The following PGGT1B variants were observed in gnomAD, a reference collection of about 807,000 sequenced individuals.
The protein encoded by PGGT1B is protein geranylgeranyltransferase type I subunit beta.
A neutral mutation model predicts 46.1 loss-of-function variants in PGGT1B; 30 were observed. The ratio of observed to expected loss-of-function variants is 0.65; its 90% CI spans 0.49 to 0.88. The LOEUF (loss-of-function observed/expected upper bound fraction) is 0.88, where lower values mean the gene tolerates loss of function less well. Ranked by LOEUF, PGGT1B falls within the 40% of genes least tolerant of loss-of-function variation. The pLI is 0.00. For missense variants in PGGT1B, 376 were observed against 455.9 expected, an observed-to-expected ratio of 0.82 and a Z score of 1.60; for synonymous variants, 170 against 160.0, an observed-to-expected ratio of 1.06 and a Z score of -0.47.
chr5:115,237,163 T>C (rs1020265082), intron 4 of PGGT1B, among the ~76,000 whole-genome samples: 1 of 152,224 alleles, frequency 6.6e-6, no homozygotes, highest in Non-Finnish European at 1.5e-5. Flanking sequence ...CAATTTATTC[T>C]ACTTGTCTAC....
chr5:115,206,068 T>G lies in PGGT1B; in HGVS notation c.*6334A>C, dbSNP rs551058602. On this transcript the variant is annotated 3_prime_UTR_variant, in exon 9 of 9. Coordinates refer to ENST00000419445, the MANE Select transcript of PGGT1B (RefSeq NM_005023.4). ...ATTGAAAGGCATTCATAATACATTGTTGAATGAAAAAAAACCATGGAATAT... is the reference window on the plus strand; with the variant it reads ...ATTGAAAGGCATTCATAATACATTGGTGAATGAAAAAAAACCATGGAATAT... 2.0e-5 allele frequency: 3 copies of G among 152,086 alleles called. No individual in the cohort carries two copies. Among genetic ancestry groups the G allele is most frequent in the African/African-American group, 4.8e-5 (2 of 41,558 alleles). 9.4% of individuals were successfully genotyped at this position (152,086 alleles called of 1,614,324 possible).
chr5:115,240,609 C>T (rs1236262025), intron 3 of PGGT1B, among the ~76,000 whole-genome samples: 1 of 152,190 alleles, frequency 6.6e-6, no homozygotes, highest in Non-Finnish European at 1.5e-5. Context: ...AGCTGGTTTA[C>T]AGCTTAAGGC....
chr5:115,218,417 C>A (rs1010685553), intron 7 of PGGT1B, among the ~76,000 whole-genome samples: 3 of 122,624 alleles, frequency 2.4e-5, no homozygotes, highest in South Asian at 2.6e-4. Flanking sequence ...ATATATATGT[C>A]ATATATAACT....
At chr5:115,224,382 C>T (rs988002706) in intron 6 of PGGT1B, among the ~76,000 whole-genome samples, 2 of 152,162 alleles carry the variant, frequency 1.3e-5, no homozygotes, top group Admixed American at 1.3e-4. Flanking sequence ...CAAAGAAAAA[C>T]ACTCTTTACT....
chr5:115,237,237 T>A (rs964055340), intron 4 of PGGT1B, among the ~76,000 whole-genome samples: 1 of 152,192 alleles, frequency 6.6e-6, no homozygotes, highest in Non-Finnish European at 1.5e-5. Context: ...GAGCTATTAG[T>A]AGATGGAGCA....
At chr5:115,242,777 G>C (rs936503338) in intron 2 of PGGT1B, among the ~76,000 whole-genome samples, 1 of 152,102 alleles carries the variant, frequency 6.6e-6, no homozygotes, top group Non-Finnish European at 1.5e-5. Flanking sequence ...GACCAGCCTG[G>C]TCAACATGGT....
At chr5:115,249,480 C>T (rs954567174) in intron 2 of PGGT1B, among the ~76,000 whole-genome samples, 1 of 152,092 alleles carries the variant, frequency 6.6e-6, no homozygotes, top group African/African-American at 2.4e-5. Flanking sequence ...TTAGACCAAA[C>T]AGGCTAAACT....
chr5:115,228,531 T>G lies in PGGT1B; in HGVS notation c.658+2445A>C, dbSNP rs149147350. On this transcript the variant is annotated intron_variant, in intron 6 of 8. Coordinates refer to ENST00000419445, the MANE Select transcript of PGGT1B (RefSeq NM_005023.4). ...ATACTGCATGTGTATCTGGGTGGTT[T>G]GCAATTTTAAATCACGAGCTTGAAC... Among the ~76,000 whole-genome samples, 458 of 151,964 alleles carry G rather than the reference T, an allele frequency of 3.0e-3. 2 individuals are homozygous for G. Among genetic ancestry groups the G allele is most frequent in the African/African-American group, 0.01 (433 of 41,468 alleles).
chr5:115,211,879 A>C lies in PGGT1B; in HGVS notation c.*523T>G, dbSNP rs965722960. On this transcript the variant is annotated 3_prime_UTR_variant, in exon 9 of 9. Transcript: ENST00000419445. ...CACACAGGTTTAATTGGCACACTTT[A>C]CTTAAGAATAAGACAAAATAAGTCA... is the stretch of plus-strand genomic sequence containing the variant. 1 of 154,068 alleles carries C rather than the reference A, an allele frequency of 6.5e-6. No individual in the cohort carries two copies. The highest frequency in any genetic ancestry group is 2.4e-5 in the African/African-American group (1 of 41,462). The allele number at this position is 154,068 out of a possible 1,614,324, so 9.5% of individuals were successfully genotyped here. A position where few individuals can be genotyped will look rare whatever the true frequency, so the allele number is the denominator to read the frequency against.
In PGGT1B at chr5:115,204,287, C is replaced by G. The variant is rs1006705443; in HGVS notation, c.*8115G>C. 3 of 152,194 alleles carry G rather than the reference C, an allele frequency of 2.0e-5. No individual in the cohort carries two copies. Among genetic ancestry groups the G allele is most frequent in the Non-Finnish European group, 4.4e-5 (3 of 68,042 alleles). 9.4% of individuals were successfully genotyped at this position (152,194 alleles called of 1,614,324 possible). On this transcript the variant is annotated 3_prime_UTR_variant, in exon 9 of 9. Coordinates refer to ENST00000419445, the MANE Select transcript of PGGT1B (RefSeq NM_005023.4). Reference sequence around the variant, plus strand: ...AAACACAAATGTCTAACCCTACCCCCAGAGTTTCTAATTCAGGAGGTCTAA... The same window carrying G: ...AAACACAAATGTCTAACCCTACCCCGAGAGTTTCTAATTCAGGAGGTCTAA...
chr5:115,262,287 C>T (rs965494790), intron 1 of PGGT1B, among the ~76,000 whole-genome samples: 1 of 152,212 alleles, frequency 6.6e-6, no homozygotes. Flanking sequence ...GCCGCTCCTA[C>T]ACATAAAACA....
At chr5:115,223,817 G>T (rs1052352599) in intron 6 of PGGT1B, among the ~76,000 whole-genome samples, 1 of 152,148 alleles carries the variant, frequency 6.6e-6, no homozygotes, top group Admixed American at 6.5e-5. Context: ...GGCACTATTT[G>T]TTGTCAACTC....
At chr5:115,232,169 A>G (rs1757009664) in intron 5 of PGGT1B, among the ~76,000 whole-genome samples, 1 of 152,132 alleles carries the variant, frequency 6.6e-6, no homozygotes, top group Non-Finnish European at 1.5e-5. Context: ...TTAGAGTTAT[A>G]GAAGAAACAG....
At chr5:115,262,249 A>G (rs1048650818) in intron 1 of PGGT1B, among the ~76,000 whole-genome samples, 6 of 152,112 alleles carry the variant, frequency 3.9e-5, no homozygotes. Context: ...TAGTTCCCAC[A>G]AAGTTTCTAA....
Position 115,221,993 on chromosome 5 carries a change from CA to C in PGGT1B, c.673del (p.Cys225ValfsTer8). On this transcript the variant is annotated frameshift_variant, in exon 7 of 9. Transcript: ENST00000419445. LOFTEE classifies it high-confidence loss of function. ...CATCAGACATAGTGAGGCAATGCCA[CA>C]AAAAGTTGATCCTCCTGTTAATCAA... is the stretch of plus-strand genomic sequence containing the variant. ...GLESHGGSTF[C>X]GIASLCLMGK... 1.3e-6 allele frequency: 2 copies of C among 1,569,616 alleles called. No individual in the cohort carries two copies. Among genetic ancestry groups the C allele is most frequent in the South Asian group, 2.4e-5 (2 of 83,020 alleles).
intron 1 of PGGT1B, among the ~76,000 whole-genome samples, chr5:115,257,694 AC>A (rs1748383003): frequency 6.6e-6 from 1 of 152,140 alleles, no homozygotes; most frequent in Non-Finnish European, 1.5e-5. Flanking sequence ...TTCTGGTGCA[AC>A]CCCATCCTTT....
chr5:115,247,792 C>G (rs1747917816), intron 2 of PGGT1B, among the ~76,000 whole-genome samples: 2 of 152,084 alleles, frequency 1.3e-5, no homozygotes, highest in South Asian at 4.1e-4. Context: ...AGATTAGAGA[C>G]TTAATAATAT....
intron 6 of PGGT1B, 39 bp downstream of exon 6, chr5:115,230,937 C>A: frequency 7.5e-7 from 1 of 1,332,838 alleles, no homozygotes; most frequent in Non-Finnish European, 1.1e-6. Context: ...TCTAAGGGAA[C>A]AAAAGAAACT....
chr5:115,222,213 A>T (rs1756609388), intron 6 of PGGT1B, among the ~76,000 whole-genome samples: 1 of 152,200 alleles, frequency 6.6e-6, no homozygotes, highest in Admixed American at 6.5e-5. Flanking sequence ...TATAAGAAAC[A>T]TTTTACTTAT....
Sources: gnomAD v4.1 joint callset for allele counts (sites outside exome capture counted in the v4.1 genomes callset) on GRCh38, gnomAD v4.1.1 for gene constraint, MANE v1.5 for transcripts, NCBI Gene and HGNC (gene_info 2026-07-23, HGNC 2026-07-21) for gene names.